The following ASMTL variants were observed in gnomAD, a reference collection of about 807,000 sequenced individuals.
ASMTL encodes acetylserotonin O-methyltransferase like.
In ASMTL, 57 loss-of-function variants were observed where a neutral mutation model predicts 60.3. The ratio of observed to expected loss-of-function variants is 0.95; its 90% CI spans 0.76 to 1.18. The LOEUF (loss-of-function observed/expected upper bound fraction) is 1.18, where lower values mean the gene tolerates loss of function less well. Among genes scored for constraint, ASMTL ranks in the 50% most tolerant of loss-of-function variants. ASMTL has a pLI of 0.00. For missense variants in ASMTL, 981 were observed against 852.6 expected, an observed-to-expected ratio of 1.15 and a Z score of -1.88; for synonymous variants, 419 against 373.0, an observed-to-expected ratio of 1.12 and a Z score of -1.42.
chrX:1,440,519 G>A (rs1335524084), intron 2 of ASMTL, among the ~76,000 whole-genome samples: 1 of 152,210 alleles, frequency 6.6e-6, no homozygotes, highest in Non-Finnish European at 1.5e-5. Context: ...AAAACACACA[G>A]TAATAGCTAT....
At chrX:1,408,227 G>A (rs781111620) in intron 12 of ASMTL, among the ~76,000 whole-genome samples, 24 of 58,824 alleles carry the variant, frequency 4.1e-4, no homozygotes, top group African/African-American at 1.4e-3. Context: ...GATCGCTTGA[G>A]TGCAGGAGGT....
chrX:1,437,612 C>T, intron 3 of ASMTL, among the ~76,000 whole-genome samples: 1 of 152,224 alleles, frequency 6.6e-6, no homozygotes, highest in South Asian at 2.1e-4. Context: ...GAACAAAAGA[C>T]ATGGGCCGGG....
At chrX:1,435,851 T>C in intron 3 of ASMTL, 93 bp from the exon 4 acceptor site, 3 of 1,125,870 alleles carry the variant, frequency 2.7e-6, no homozygotes, top group Admixed American at 3.4e-5. Context: ...TCACTTGTTT[T>C]ATGGAAATGA....
At chrX:1,412,692 C>CG in intron 12 of ASMTL, 40 bp downstream of exon 12, 1 of 1,613,658 alleles carries the variant, frequency 6.2e-7, no homozygotes. Context: ...CAAAATACTA[C>CG]GTCTTAACAA....
At chrX:1,411,897 C>T (rs1312914678) in intron 12 of ASMTL, among the ~76,000 whole-genome samples, 3 of 145,672 alleles carry the variant, frequency 2.1e-5, no homozygotes, top group African/African-American at 7.7e-5. Flanking sequence ...ACTGCAACCT[C>T]CGTCTCCAGG....
intron 11 of ASMTL, 101 bp from the exon 12 acceptor site, chrX:1,412,955 G>C (rs2090090085): frequency 7.5e-7 from 1 of 1,326,532 alleles, no homozygotes; most frequent in African/African-American, 1.6e-5. Flanking sequence ...ATCAGGGACA[G>C]AGAAGAGAGG....
chrX:1,451,281 CCT>C (rs2091375081), intron 1 of ASMTL, among the ~76,000 whole-genome samples: 1 of 147,660 alleles, frequency 6.8e-6, no homozygotes, highest in South Asian at 2.1e-4. Flanking sequence ...CACCCCCATC[CCT>C]AGGGGGTCCT....
At position 1,412,830 on chromosome X, in the gene ASMTL, G is replaced by C; in HGVS notation, c.1547C>G (p.Pro516Arg). 2 of 1,613,960 alleles carry C rather than the reference G, an allele frequency of 1.2e-6. No homozygotes were observed. The highest frequency in any genetic ancestry group is 1.7e-6 in the Non-Finnish European group (2 of 1,179,844). The change falls in exon 12 of 13, where the codon CCC becomes CGC. Residue 516 changes from proline (P) to arginine (R), a missense_variant. Physicochemically the swap from Pro to Arg is moderately radical, Grantham distance 103. Coordinates refer to ENST00000381317, the MANE Select transcript of ASMTL (RefSeq NM_004192.4). Reference sequence around the variant, plus strand: ...GCACAGGACGTACAGCTCAGCGCTGGGGAGGGGGTCCCTGAAAAAGTCACC... The same window carrying C: ...GCACAGGACGTACAGCTCAGCGCTGCGGAGGGGGTCCCTGAAAAAGTCACC... ...AAGDFFRDPL[P>R]SAELYVLCRI...
At chrX:1,434,997 A>G in intron 5 of ASMTL, 25 bp downstream of exon 5, 2 of 1,613,148 alleles carry the variant, frequency 1.2e-6, no homozygotes. Context: ...CTCTGGGGCT[A>G]CCCCGAAACC....
intron 6 of ASMTL, 137 bp downstream of exon 6, chrX:1,432,132 G>A (rs2090807658): frequency 5.9e-6 from 4 of 676,850 alleles, no homozygotes; most frequent in East Asian, 2.7e-5. Flanking sequence ...CTTCTGAGCC[G>A]GGCGGCTCTC....
At chrX:1,411,139 G>A (rs1210970734) in intron 12 of ASMTL, among the ~76,000 whole-genome samples, 5 of 152,026 alleles carry the variant, frequency 3.3e-5, no homozygotes, top group African/African-American at 4.8e-5. Context: ...AGCCAAGATC[G>A]TGCCACTGCA....
chrX:1,439,560 C>CT (rs1407604474), intron 2 of ASMTL, among the ~76,000 whole-genome samples: 1 of 152,112 alleles, frequency 6.6e-6, no homozygotes, highest in African/African-American at 2.4e-5. Flanking sequence ...GAAAAAGCTA[C>CT]TTAGGGCTGG....
At chrX:1,417,804 CAGAG>C (rs58591447) in intron 11 of ASMTL, 165 bp downstream of exon 11, 237,226 of 356,184 alleles carry the variant, frequency 0.67, 80,280 homozygotes, top group South Asian at 0.82. Context: ...CACATGCACA[CAGAG>C]AGACACACAC....
chrX:1,434,719 T>C (rs2090914135), intron 5 of ASMTL, among the ~76,000 whole-genome samples: 1 of 143,734 alleles, frequency 7.0e-6, no homozygotes, highest in Admixed American at 7.1e-5. Context: ...CACTTGAACT[T>C]GGGAGGCGGA....
chrX:1,433,783 G>A (rs1162269859), intron 5 of ASMTL, among the ~76,000 whole-genome samples: 2 of 152,088 alleles, frequency 1.3e-5, no homozygotes, highest in Non-Finnish European at 2.9e-5. Context: ...GGGCATGGAG[G>A]CTCCATACAT....
intron 11 of ASMTL, among the ~76,000 whole-genome samples, chrX:1,416,904 CAT>C (rs1383618693): frequency 2.0e-5 from 3 of 150,844 alleles, no homozygotes; most frequent in Non-Finnish European, 4.4e-5. Context: ...CCCTCAGAGA[CAT>C]ACACACCACA....
intron 12 of ASMTL, among the ~76,000 whole-genome samples, chrX:1,403,801 A>T (rs1416898730): frequency 2.0e-5 from 3 of 152,170 alleles, no homozygotes; most frequent in African/African-American, 7.2e-5. Context: ...AGGTAGAAAG[A>T]TGTATGGATA....
Position 1,418,014 on chromosome X carries a change from T to C in ASMTL, c.1481A>G (p.Gln494Arg). The stretch of plus-strand genomic sequence containing the variant: ...CTGCACTGCCTGCGGTCCGGGGGGT[T>C]GGAAGTGGGCGGCCAGCTCGATAAT... ...PDIIELAAHF[Q>R]PPGPQAVQIH... Residue 494 changes from glutamine (Q) to arginine (R), a missense_variant, in exon 11 of 13, where the codon CAA becomes CGA. Coordinates refer to ENST00000381317, the MANE Select transcript of ASMTL (RefSeq NM_004192.4). 6.2e-7 allele frequency: 1 copy of C among 1,613,174 alleles called. No homozygotes were observed. Among genetic ancestry groups the C allele is most frequent in the East Asian group, 2.2e-5 (1 of 44,844 alleles).
At chrX:1,425,495 C>A (rs369155610) in intron 8 of ASMTL, 30 bp downstream of exon 8, 2 of 1,600,816 alleles carry the variant, frequency 1.2e-6, no homozygotes, top group Non-Finnish European at 1.7e-6. Context: ...TGCAAAGATC[C>A]TCAGAGCAAA....
Sources: allele counts gnomAD v4.1 joint callset (sites outside exome capture counted in the v4.1 genomes callset), GRCh38; gene constraint gnomAD v4.1.1; transcripts MANE v1.5; gene names NCBI Gene and HGNC (gene_info 2026-07-23, HGNC 2026-07-21).